The following ECI2 variants were observed in gnomAD, a reference collection of about 807,000 sequenced individuals.
ECI2 encodes D3,D2-enoyl-CoA isomerase.
ECI2 carries 27 observed loss-of-function variants against 38.4 expected under a neutral mutation model. The observed-to-expected ratio is 0.70, with a 90% CI of 0.52 to 0.97. The LOEUF is 0.97. Ranked by LOEUF, ECI2 falls within the 50% of genes least tolerant of loss-of-function variation. The pLI is 0.00. For missense variants in ECI2, 470 were observed against 474.4 expected (o/e 0.99, Z 0.09); for synonymous variants, 168 against 172.0 (o/e 0.98, Z 0.18).
rs765167263 is a variant in ECI2, at chr6:4,115,830, A to G, written c.*44T>C. ...TCCAGTACTGGAAATCAGAGGTAAC[A>G]GCACATCCTTCCTTGGACATGCTTT... is the stretch of plus-strand genomic sequence containing the variant. On this transcript the variant is annotated 3_prime_UTR_variant, in exon 10 of 10. Coordinates refer to ENST00000380118, the MANE Select transcript of ECI2 (RefSeq NM_206836.3). 6 of 1,575,680 alleles carry G rather than the reference A, an allele frequency of 3.8e-6. No individual in the cohort carries two copies. The highest frequency in any genetic ancestry group is 2.4e-5 in the South Asian group (2 of 83,050).
intron 5 of ECI2, 131 bp from the exon 6 acceptor site, chr6:4,126,368 TAC>T (rs1356186480): frequency 1.4e-6 from 1 of 693,202 alleles, no homozygotes; most frequent in African/African-American, 1.8e-5. Context: ...TGCCCTAACT[TAC>T]AAACTAGTGA....
intron 6 of ECI2, 45 bp from the exon 7 acceptor site, chr6:4,125,415 A>G (rs1368055419): frequency 6.2e-7 from 1 of 1,611,318 alleles, no homozygotes; most frequent in Admixed American, 1.7e-5. Flanking sequence ...CCAAAGCAGC[A>G]TGACTAAAGC....
chr6:4,121,897 T>C, intron 7 of ECI2: 1 of 1,035,310 alleles, frequency 9.7e-7, no homozygotes, highest in Non-Finnish European at 1.4e-6. Context: ...ATAATCACAA[T>C]ATTTTTAAAA....
intron 7 of ECI2, among the ~76,000 whole-genome samples, chr6:4,121,091 T>C (rs1772713515): frequency 2.6e-5 from 4 of 152,208 alleles, no homozygotes; most frequent in Admixed American, 2.0e-4. Flanking sequence ...AAAGTTCCAA[T>C]TGCTCCACAT....
rs572304093 is a variant in ECI2 at position 4,123,702 on chromosome 6, C to G, written c.795+1548G>C. Reference sequence around the variant, plus strand: ...TTGATGCAGGCCAGGCTCAGTGGCTCACACCTGTACTCCCAGCACTTCAGG... The same window carrying G: ...TTGATGCAGGCCAGGCTCAGTGGCTGACACCTGTACTCCCAGCACTTCAGG... On this transcript the variant is annotated intron_variant, in intron 7 of 9. Transcript: ENST00000380118. 2.6e-5 allele frequency among the ~76,000 whole-genome samples: 4 copies of G among 152,094 alleles called. No individual in the cohort carries two copies. The South Asian group carries it at 8.3e-4, about 32-fold the overall frequency.
At chr6:4,121,426 C>T (rs1441680406) in intron 7 of ECI2, among the ~76,000 whole-genome samples, 2 of 152,086 alleles carry the variant, frequency 1.3e-5, no homozygotes, top group African/African-American at 4.8e-5. Context: ...AGTGGTTTCT[C>T]TCATATGGTT....
At chr6:4,135,372 C>A in intron 1 of ECI2, 139 bp downstream of exon 1, 2 of 1,526,588 alleles carry the variant, frequency 1.3e-6, no homozygotes, top group East Asian at 4.8e-5. Flanking sequence ...AGCACTACCT[C>A]ACCGGAAAAC....
At chr6:4,130,198 A>G (rs772342859) in intron 4 of ECI2, 174 bp downstream of exon 4, 47 of 1,613,774 alleles carry the variant, frequency 2.9e-5, no homozygotes, top group Non-Finnish European at 3.6e-5. Context: ...ACAAACTCTA[A>G]ACAATGAATG....
chr6:4,135,176 G>A (rs1403028763), intron 1 of ECI2: 1 of 611,894 alleles, frequency 1.6e-6, no homozygotes, highest in Non-Finnish European at 3.0e-6. Flanking sequence ...GTGCAGGCCC[G>A]GGTGCTCAGC....
chr6:4,130,616 G>T, intron 3 of ECI2, 56 bp from the exon 4 acceptor site: 3 of 1,613,072 alleles, frequency 1.9e-6, no homozygotes, highest in Non-Finnish European at 2.5e-6. Flanking sequence ...AGCACTTTGA[G>T]AAAGTTACTA....
At chr6:4,127,369 T>C (rs1343507221) in intron 5 of ECI2, among the ~76,000 whole-genome samples, 1 of 148,432 alleles carries the variant, frequency 6.7e-6, no homozygotes, top group Non-Finnish European at 1.5e-5. Context: ...TATTTATAAA[T>C]CAGAGTATGA....
intron 8 of ECI2, chr6:4,118,230 C>T (rs1308600016): frequency 6.6e-6 from 1 of 152,270 alleles, no homozygotes; most frequent in Non-Finnish European, 1.5e-5. Context: ...CAGCATTTCA[C>T]TATGTTGGCC....
At chr6:4,135,084 G>T (rs767602578) in intron 1 of ECI2, 5 of 467,402 alleles carry the variant, frequency 1.1e-5, no homozygotes, top group South Asian at 7.7e-5. Flanking sequence ...AGAGTGTTAA[G>T]TCCACACGAG....
At position 4,127,746 on chromosome 6, in the gene ECI2, T is replaced by C; in HGVS notation, c.571+16A>G. On this transcript the variant is annotated intron_variant, in intron 5 of 9. Transcript: ENST00000380118. ...AAAATAGAAATTTAATTAGGATGCCTGAGAAAATGTCTTACCTGTTAAAAC... is the reference window on the plus strand; with the variant it reads ...AAAATAGAAATTTAATTAGGATGCCCGAGAAAATGTCTTACCTGTTAAAAC... 1 of 1,605,444 alleles carries C rather than the reference T, an allele frequency of 6.2e-7. No homozygotes were observed. The highest frequency in any genetic ancestry group is 8.5e-7 in the Non-Finnish European group (1 of 1,176,696).
chr6:4,119,073 G>T, intron 8 of ECI2, 113 bp downstream of exon 8: 1 of 848,840 alleles, frequency 1.2e-6, no homozygotes, highest in Non-Finnish European at 1.8e-6. Flanking sequence ...CAAATCATTA[G>T]CTTCTCTTTT....
chr6:4,128,298 G>A (rs1180975547), intron 4 of ECI2, among the ~76,000 whole-genome samples: 1 of 151,944 alleles, frequency 6.6e-6, no homozygotes, highest in African/African-American at 2.4e-5. Context: ...GTGACCTCAA[G>A]GAAGCCCCTG....
At chr6:4,126,261 T>C (rs1773151431) in intron 5 of ECI2, 24 bp from the exon 6 acceptor site, 1 of 1,579,942 alleles carries the variant, frequency 6.3e-7, no homozygotes, top group Admixed American at 1.7e-5. Flanking sequence ...AATCAACAGA[T>C]CCCTCATTCA....
At chr6:4,123,060 A>C (rs1754540458) in intron 7 of ECI2, among the ~76,000 whole-genome samples, 1 of 152,228 alleles carries the variant, frequency 6.6e-6, no homozygotes, top group South Asian at 2.1e-4. Context: ...TATGGGTTAA[A>C]TATTAACCCA....
intron 7 of ECI2, 115 bp from the exon 8 acceptor site, chr6:4,119,390 G>A (rs1033373761): frequency 8.7e-6 from 6 of 688,534 alleles, no homozygotes; most frequent in South Asian, 3.7e-5. Context: ...GCGCGATCTC[G>A]GCTCACTGCA....
Sources: allele counts gnomAD v4.1 joint callset (sites outside exome capture counted in the v4.1 genomes callset), GRCh38; gene constraint gnomAD v4.1.1; transcripts MANE v1.5; gene names NCBI Gene and HGNC (gene_info 2026-07-23, HGNC 2026-07-21).